Variants in SLAIN2 observed in about 807,000 individuals in gnomAD.
The protein encoded by SLAIN2 is SLAIN family member 2.
In SLAIN2, 31 loss-of-function variants were observed where a neutral mutation model predicts 56.6. The observed-to-expected ratio is 0.55, with a 90% CI of 0.41 to 0.74. The LOEUF (loss-of-function observed/expected upper bound fraction) is 0.74. SLAIN2 is among the 30% of genes least tolerant of loss of function. The pLI is 0.00. For missense variants in SLAIN2, 777 were observed against 754.2 expected, an observed-to-expected ratio of 1.03 and a Z score of -0.35; for synonymous variants, 317 against 284.9, an observed-to-expected ratio of 1.11 and a Z score of -1.13.
At chr4:48,348,242 T>C (rs1477956457) in intron 1 of SLAIN2, among the ~76,000 whole-genome samples, 1 of 150,852 alleles carries the variant, frequency 6.6e-6, no homozygotes, top group African/African-American at 2.4e-5. Context: ...TTGGATGATA[T>C]GCACTACCCT....
intron 6 of SLAIN2, among the ~76,000 whole-genome samples, chr4:48,394,221 C>T (rs1166524433): frequency 6.6e-6 from 1 of 152,154 alleles, no homozygotes; most frequent in African/African-American, 2.4e-5. Flanking sequence ...AAGTGCTGCA[C>T]TTCATACTGT....
intron 6 of SLAIN2, among the ~76,000 whole-genome samples, chr4:48,390,841 GTC>G (rs1225019162): frequency 6.6e-6 from 1 of 152,136 alleles, no homozygotes; most frequent in African/African-American, 2.4e-5. Context: ...TTATCAATCT[GTC>G]TACTCTTACT....
intron 6 of SLAIN2, among the ~76,000 whole-genome samples, chr4:48,386,991 G>A (rs1187802004): frequency 6.6e-6 from 1 of 152,068 alleles, no homozygotes; most frequent in Non-Finnish European, 1.5e-5. Context: ...TTTGTACTTG[G>A]CTTTCAAAGA....
At chr4:48,402,093 A>AC (rs1243610318) in intron 6 of SLAIN2, among the ~76,000 whole-genome samples, 3 of 150,708 alleles carry the variant, frequency 2.0e-5, no homozygotes, top group Non-Finnish European at 4.4e-5. Context: ...TTGAATGTTG[A>AC]CCCCCCAATC....
intron 1 of SLAIN2, among the ~76,000 whole-genome samples, chr4:48,355,948 G>A (rs944104157): frequency 6.6e-6 from 1 of 151,966 alleles, no homozygotes; most frequent in Non-Finnish European, 1.5e-5. Context: ...AATCTTTACT[G>A]TGTTAATAAA....
intron 1 of SLAIN2, among the ~76,000 whole-genome samples, chr4:48,351,395 T>C (rs1246670715): frequency 6.6e-6 from 1 of 152,200 alleles, no homozygotes; most frequent in African/African-American, 2.4e-5. Context: ...TTTGAATGCT[T>C]ATATCTTTTG....
At chr4:48,407,844 ACTC>A (rs1716740405) in intron 6 of SLAIN2, among the ~76,000 whole-genome samples, 1 of 151,634 alleles carries the variant, frequency 6.6e-6, no homozygotes, top group Non-Finnish European at 1.5e-5. Context: ...TATTAATAGA[ACTC>A]CTCATTCCTC....
intron 1 of SLAIN2, among the ~76,000 whole-genome samples, chr4:48,362,641 G>C (rs1035090498): frequency 9.6e-4 from 143 of 149,234 alleles, no homozygotes; most frequent in African/African-American, 3.4e-3. Context: ...GGATGGTCTC[G>C]ATCTACTGAC....
At chr4:48,352,654 A>G (rs1205176204) in intron 1 of SLAIN2, among the ~76,000 whole-genome samples, 3 of 152,210 alleles carry the variant, frequency 2.0e-5, no homozygotes, top group Admixed American at 6.5e-5. Flanking sequence ...CAAAATTACC[A>G]CAGGTTAAGA....
At chr4:48,355,159 C>T (rs557014312) in intron 1 of SLAIN2, among the ~76,000 whole-genome samples, 4 of 152,236 alleles carry the variant, frequency 2.6e-5, no homozygotes, top group South Asian at 2.1e-4. Flanking sequence ...GGATTACAGG[C>T]GTGAGCCACT....
chr4:48,401,269 GT>G (rs1347071962), intron 6 of SLAIN2, among the ~76,000 whole-genome samples: 2 of 152,166 alleles, frequency 1.3e-5, no homozygotes, highest in African/African-American at 2.4e-5. Context: ...TGTTTGGGGA[GT>G]TTTGTAGACA....
chr4:48,424,337 G>T lies in SLAIN2; in HGVS notation c.*2260G>T, dbSNP rs1366699827. ...GTTTGGGAAAATCTAAGGATTTACT[G>T]TGGTTAGTCTTACAGAAGAAATGTG... On this transcript the variant is annotated 3_prime_UTR_variant, in exon 8 of 8. Coordinates refer to ENST00000264313, the MANE Select transcript of SLAIN2 (RefSeq NM_020846.2). 2 of 152,102 alleles carry T rather than the reference G, an allele frequency of 1.3e-5. No individual in the cohort carries two copies. Among genetic ancestry groups the T allele is most frequent in the Non-Finnish European group, 2.9e-5 (2 of 67,992 alleles). The allele number at this position is 152,102 out of a possible 1,614,324, so 9.4% of individuals were successfully genotyped here.
intron 3 of SLAIN2, 41 bp from the exon 4 acceptor site, chr4:48,379,649 C>T: frequency 7.4e-7 from 1 of 1,346,878 alleles, no homozygotes; most frequent in East Asian, 2.7e-5. Flanking sequence ...TCAATAGTTG[C>T]TTTACCAGAG....
Position 48,341,788 on chromosome 4 carries a change from C to G in SLAIN2, c.49C>G (p.Leu17Val). ...NVNADQEVRK[L>V]QELVKKLEKQ... Reference sequence around the variant, plus strand: ...GAACGCGGACCAGGAGGTGCGGAAGCTGCAGGAGCTGGTGAAGAAGCTGGA... The same window carrying G: ...GAACGCGGACCAGGAGGTGCGGAAGGTGCAGGAGCTGGTGAAGAAGCTGGA... The change falls in exon 1 of 8, where the codon CTG becomes GTG. Residue 17 changes from leucine (L) to valine (V), a missense_variant. Transcript: ENST00000264313. The G allele has an allele frequency of 6.5e-7, 1 of 1,530,660 alleles. No homozygotes were observed. Among genetic ancestry groups the G allele is most frequent in the South Asian group, 1.2e-5 (1 of 81,956 alleles). 94.8% of individuals were successfully genotyped at this position (1,530,660 alleles called of 1,614,324 possible). A position where few individuals can be genotyped will look rare whatever the true frequency, so the allele number is the denominator to read the frequency against.
intron 1 of SLAIN2, among the ~76,000 whole-genome samples, chr4:48,343,992 A>G (rs1714796096): frequency 6.6e-6 from 1 of 152,346 alleles, no homozygotes; most frequent in South Asian, 2.1e-4. Flanking sequence ...AGCTGCACCC[A>G]TCAGCCCATT....
intron 6 of SLAIN2, among the ~76,000 whole-genome samples, chr4:48,391,283 G>C (rs1361166395): frequency 6.6e-6 from 1 of 152,204 alleles, no homozygotes; most frequent in East Asian, 1.9e-4. Context: ...AACATGTGTA[G>C]TGGAATCCAC....
intron 6 of SLAIN2, among the ~76,000 whole-genome samples, chr4:48,399,925 T>C (rs1375699970): frequency 6.6e-6 from 1 of 152,218 alleles, no homozygotes; most frequent in East Asian, 1.9e-4. Flanking sequence ...TTGAGGATTT[T>C]TGCATCAACA....
At chr4:48,374,540 C>T (rs962023679) in intron 2 of SLAIN2, among the ~76,000 whole-genome samples, 5 of 152,124 alleles carry the variant, frequency 3.3e-5, no homozygotes, top group African/African-American at 1.2e-4. Flanking sequence ...GCAACTGGCA[C>T]CCGGCCAATT....
At chr4:48,420,780 A>G (rs184165739) in intron 7 of SLAIN2, among the ~76,000 whole-genome samples, 1 of 152,320 alleles carries the variant, frequency 6.6e-6, no homozygotes, top group African/African-American at 2.4e-5. Flanking sequence ...TGATAAAGGT[A>G]TATTAGAATA....
Sources: allele counts gnomAD v4.1 joint callset (sites outside exome capture counted in the v4.1 genomes callset), GRCh38; gene constraint gnomAD v4.1.1; transcripts MANE v1.5; gene names NCBI Gene and HGNC (gene_info 2026-07-23, HGNC 2026-07-21).